The following MAP6 variants were observed in gnomAD, a reference collection of about 807,000 sequenced individuals.
The protein encoded by MAP6 is microtubule associated protein 6, also known as microtubule-associated protein 6.
A neutral mutation model predicts 42.4 loss-of-function variants in MAP6; 26 were observed. The observed-to-expected ratio is 0.61, with a 90% CI of 0.45 to 0.85. MAP6 has a LOEUF of 0.85. Ranked by LOEUF, MAP6 falls within the 40% of genes least tolerant of loss-of-function variation. MAP6 has a pLI of 0.00. For synonymous variants in MAP6, 418 were observed against 443.8 expected (o/e 0.94, Z 0.73); for missense variants, 966 against 1,099.0 (o/e 0.88, Z 1.71).
At chr11:75,652,836 G>GAAAA (rs560714756) in intron 1 of MAP6, among the ~76,000 whole-genome samples, 1 of 101,356 alleles carries the variant, frequency 9.9e-6, no homozygotes, top group Non-Finnish European at 2.1e-5. Context: ...CTCCATCTCA[G>GAAAA]AAAAAAAAAA....
At chr11:75,599,706 G>A (rs956799588) in intron 3 of MAP6, among the ~76,000 whole-genome samples, 9 of 152,292 alleles carry the variant, frequency 5.9e-5, no homozygotes, top group East Asian at 1.9e-4. Flanking sequence ...GTTTTTATTG[G>A]GGGGTCCCAC....
intron 1 of MAP6, among the ~76,000 whole-genome samples, chr11:75,634,001 G>T (rs1943328691): frequency 6.6e-6 from 1 of 152,210 alleles, no homozygotes; most frequent in African/African-American, 2.4e-5. Flanking sequence ...ACAGACACTA[G>T]CTGGGCAAGG....
Position 75,613,704 on chromosome 11 carries a change from C to G in MAP6, c.906-5382G>C, listed in dbSNP as rs76522787. 7.3e-3 allele frequency among the ~76,000 whole-genome samples: 1,105 copies of G among 152,272 alleles called. 7 individuals are homozygous for G. The highest frequency in any genetic ancestry group is 0.024 in the African/African-American group (1,003 of 41,560). On this transcript the variant is annotated intron_variant, in intron 1 of 3. Transcript: ENST00000304771. ...GAAAGAGAGTCTGGGGCTATGATATCCCCCGGTGGGTGGGTGAACTGCAGA... is the reference window on the plus strand; with the variant it reads ...GAAAGAGAGTCTGGGGCTATGATATGCCCCGGTGGGTGGGTGAACTGCAGA...
At chr11:75,639,086 G>A (rs1386412630) in intron 1 of MAP6, among the ~76,000 whole-genome samples, 2 of 152,202 alleles carry the variant, frequency 1.3e-5, no homozygotes, top group African/African-American at 4.8e-5. Flanking sequence ...GTAAGTGGGA[G>A]CTAAATAATG....
In MAP6 at chr11:75,668,253, G is replaced by C. The variant is rs776575456; in HGVS notation, c.117C>G (p.His39Gln). The C allele has an allele frequency of 2.0e-6, 3 of 1,468,382 alleles. No individual in the cohort carries two copies. In the Admixed American group the frequency reaches 6.3e-5, roughly 31 times the overall value. 91.0% of individuals were successfully genotyped at this position (1,468,382 alleles called of 1,614,324 possible). A position where few individuals can be genotyped will look rare whatever the true frequency, so the allele number is the denominator to read the frequency against. ...GCGGTGGCTGCGGCGGGGCGCCCGG[G>C]TGCTCGGTGGCCTCCGAGTACTTGG... ...VFTKYSEATE[H>Q]PGAPPQPPPP... The change falls in exon 1 of 4, where the codon CAC becomes CAG. Residue 39 changes from histidine (H) to glutamine (Q), a missense_variant. By Grantham distance (24) the His-to-Gln change is conservative. Around this residue, in one of 2 missense-constraint regions of MAP6, gnomAD observed 943 missense variants for 1,049.9 expected, o/e 0.90. Coordinates refer to ENST00000304771, the MANE Select transcript of MAP6 (RefSeq NM_033063.2).
chr11:75,668,043 G>A lies in MAP6; in HGVS notation c.327C>T (p.Gly109=), dbSNP rs1044666202. ...PGRSGPGPGL[G]SGSTSGPADS... ...CCGCGGGGCCGGAGGTGGAGCCGGA[G>A]CCCAGGCCCGGGCCCGGCCCGCTCC... is the stretch of plus-strand genomic sequence containing the variant. The change falls in exon 1 of 4, where the codon GGC becomes GGT. Residue 109 remains glycine, a synonymous_variant. Coordinates refer to ENST00000304771, the MANE Select transcript of MAP6 (RefSeq NM_033063.2). 3 of 1,228,656 alleles carry A rather than the reference G, an allele frequency of 2.4e-6. No homozygotes were observed. The highest frequency in any genetic ancestry group is 3.1e-5 in the African/African-American group (2 of 63,640). 76.1% of individuals were successfully genotyped at this position (1,228,656 alleles called of 1,614,324 possible).
At chr11:75,661,999 T>C (rs994485256) in intron 1 of MAP6, among the ~76,000 whole-genome samples, 3 of 152,044 alleles carry the variant, frequency 2.0e-5, no homozygotes, top group Non-Finnish European at 4.4e-5. Context: ...TTAATGCATA[T>C]GGGCAATAAT....
chr11:75,630,046 C>A (rs1943261553), intron 1 of MAP6, among the ~76,000 whole-genome samples: 1 of 152,216 alleles, frequency 6.6e-6, no homozygotes, highest in African/African-American at 2.4e-5. Flanking sequence ...AATCTGTGTT[C>A]ATATGAGTGA....
In MAP6 at chr11:75,608,117, G is replaced by T; in HGVS notation, c.1111C>A (p.Pro371Thr). The T allele has an allele frequency of 6.2e-7, 1 of 1,613,740 alleles. No individual in the cohort carries two copies. Among genetic ancestry groups the T allele is most frequent in the Non-Finnish European group, 8.5e-7 (1 of 1,180,020 alleles). ...CACAAGGTCTGTCTCACCTTTGGGG[G>T]TTCCTTGAAGGGTTCGCTGTAGAGG... ...RSLYSEPFKE[P>T]PKVEKPSVQS... Residue 371 changes from proline to threonine, a missense_variant, in exon 2 of 4, where the codon CCC (proline) becomes ACC (threonine). Physicochemically the swap from Pro to Thr is conservative, Grantham distance 38. Coordinates refer to ENST00000304771, the MANE Select transcript of MAP6 (RefSeq NM_033063.2).
intron 1 of MAP6, among the ~76,000 whole-genome samples, chr11:75,610,651 A>C (rs1227299955): frequency 1.3e-5 from 2 of 152,220 alleles, no homozygotes. Context: ...TTTTGGAAAG[A>C]GAATTTTGAG....
intron 1 of MAP6, among the ~76,000 whole-genome samples, chr11:75,628,128 A>G (rs1170270566): frequency 6.6e-6 from 1 of 152,144 alleles, no homozygotes; most frequent in Non-Finnish European, 1.5e-5. Flanking sequence ...GGAGAGAGAA[A>G]TGGTTGTGTT....
At chr11:75,616,606 A>G (rs1222104322) in intron 1 of MAP6, among the ~76,000 whole-genome samples, 2 of 152,248 alleles carry the variant, frequency 1.3e-5, no homozygotes, top group Non-Finnish European at 2.9e-5. Context: ...TTAAAAAGAA[A>G]GAACAACCTG....
chr11:75,588,349 CGGGGGTGAGGGAG>C (rs1179164488), intron 3 of MAP6, among the ~76,000 whole-genome samples, 165 bp from the exon 4 acceptor site: 1 of 70,438 alleles, frequency 1.4e-5, no homozygotes, highest in Non-Finnish European at 2.8e-5. Context: ...AGAATGTGGG[CGGGGGTGAGGGAG>C]GGGGGTGAGG....
chr11:75,641,950 C>A (rs1943477605), intron 1 of MAP6, among the ~76,000 whole-genome samples: 2 of 152,144 alleles, frequency 1.3e-5, no homozygotes, highest in South Asian at 2.1e-4. Context: ...CTGAAGAGAG[C>A]CACAGCTAAA....
chr11:75,654,849 T>C (rs1170838506), intron 1 of MAP6, among the ~76,000 whole-genome samples: 1 of 152,204 alleles, frequency 6.6e-6, no homozygotes, highest in Non-Finnish European at 1.5e-5. Flanking sequence ...ACACAGACTT[T>C]AAGTTAAGAT....
At chr11:75,616,776 G>A (rs1365734032) in intron 1 of MAP6, among the ~76,000 whole-genome samples, 2 of 152,174 alleles carry the variant, frequency 1.3e-5, no homozygotes, top group Non-Finnish European at 2.9e-5. Context: ...TCTTTTGTGT[G>A]AGAGGGAGAA....
Position 75,587,423 on chromosome 11 carries a change from A to G in MAP6, c.2078T>C (p.Val693Ala). ...AGGTGCCACAACTGCAGAATCGTGA[A>G]CCTTTGCATGCTCTGGGACTACAAC... ...QDVVVPEHAKVHDSAVVAPVK... is the reference protein window; with the variant it reads ...QDVVVPEHAKAHDSAVVAPVK... The change falls in exon 4 of 4, where the codon GTT (valine) becomes GCT (alanine). Residue 693 changes from valine (V) to alanine (A), a missense_variant. Val to Ala is a moderately conservative substitution (Grantham distance 64). This residue lies in a region of MAP6 where 943 missense variants were observed against 1,049.9 expected (regional missense o/e 0.90). Transcript: ENST00000304771. 1 of 1,613,948 alleles carries G rather than the reference A, an allele frequency of 6.2e-7. No homozygotes were observed. The highest frequency in any genetic ancestry group is 1.3e-5 in the African/African-American group (1 of 74,940).
At chr11:75,606,794 A>C in intron 2 of MAP6, among the ~76,000 whole-genome samples, 1 of 151,094 alleles carries the variant, frequency 6.6e-6, no homozygotes, top group African/African-American at 2.4e-5. Flanking sequence ...AGCTCACTCC[A>C]CTCTCCCCAA....
chr11:75,666,192 C>A (rs898480319), intron 1 of MAP6, among the ~76,000 whole-genome samples: 2 of 152,068 alleles, frequency 1.3e-5, no homozygotes, highest in African/African-American at 2.4e-5. Context: ...TACTTTCATA[C>A]AGATCTTCCC....
Sources: allele counts gnomAD v4.1 joint callset (sites outside exome capture counted in the v4.1 genomes callset), GRCh38; gene constraint gnomAD v4.1.1; regional missense constraint gnomAD v4.1.1; transcripts MANE v1.5; gene names NCBI Gene and HGNC (gene_info 2026-07-23, HGNC 2026-07-21).